KIF26B: variants seen among roughly 807,000 people sequenced by gnomAD.
KIF26B encodes the protein kinesin-like protein KIF26B.
In KIF26B, 63 loss-of-function variants were observed where a neutral mutation model predicts 151.2. The ratio of observed to expected loss-of-function variants is 0.42; its 90% confidence interval spans 0.34 to 0.51. The LOEUF is 0.51. Ranked by LOEUF, KIF26B falls within the 20% of genes least tolerant of loss-of-function variation. The pLI is 0.07. For missense variants in KIF26B, 2,813 were observed against 2,913.6 expected (o/e 0.97, Z 0.79); for synonymous variants, 1,357 against 1,262.1 (o/e 1.08, Z -1.59).
At chr1:245,182,184 A>G (rs769547010) in intron 2 of KIF26B, among the ~76,000 whole-genome samples, 1 of 152,098 alleles carries the variant, frequency 6.6e-6, no homozygotes, top group Non-Finnish European at 1.5e-5. Context: ...ATTTTAGAAC[A>G]TTTCTGTCAC....
chr1:245,408,731 G>A (rs1054394657), intron 3 of KIF26B, among the ~76,000 whole-genome samples: 2 of 152,094 alleles, frequency 1.3e-5, no homozygotes, highest in African/African-American at 2.4e-5. Context: ...TACTTGAGCC[G>A]TACATTCTCT....
In KIF26B at chr1:245,287,930, G is replaced by A. The variant is rs139611922; in HGVS notation, c.466-78904G>A. On this transcript the variant is annotated intron_variant, in intron 2 of 14. Transcript: ENST00000407071. ...ATACTTATTTTTCCCACCATCTTCTGGGTTTTGATAATTATCTTTTAGGTA... is the reference window on the plus strand; with the variant it reads ...ATACTTATTTTTCCCACCATCTTCTAGGTTTTGATAATTATCTTTTAGGTA... 5.9e-3 allele frequency among the ~76,000 whole-genome samples: 893 copies of A among 151,608 alleles called. 8 individuals are homozygous for A. Among genetic ancestry groups the A allele is most frequent in the African/African-American group, 0.02 (839 of 41,308 alleles).
At chr1:245,332,926 A>G (rs6703617) in intron 2 of KIF26B, among the ~76,000 whole-genome samples, 39,083 of 152,050 alleles carry the variant, frequency 0.26, 7,489 homozygotes, top group African/African-American at 0.51. Context: ...TGTATTTTCA[A>G]TGGGTCTCTC....
chr1:245,297,236 G>A (rs965701187), intron 2 of KIF26B, among the ~76,000 whole-genome samples: 3 of 152,158 alleles, frequency 2.0e-5, no homozygotes, highest in Non-Finnish European at 4.4e-5. Flanking sequence ...CCAGCTACTT[G>A]GGAGGCTGAG....
chr1:245,482,756 G>A (rs750669851), intron 4 of KIF26B, among the ~76,000 whole-genome samples: 10 of 151,744 alleles, frequency 6.6e-5, no homozygotes, highest in Non-Finnish European at 1.5e-4. Flanking sequence ...CACGACTAGT[G>A]TTCCTACCAG....
intron 3 of KIF26B, among the ~76,000 whole-genome samples, chr1:245,384,427 G>C (rs1023516760): frequency 2.0e-5 from 3 of 152,154 alleles, no homozygotes; most frequent in Non-Finnish European, 4.4e-5. Flanking sequence ...TAATTAGTTA[G>C]TTAATTAATT....
At position 245,186,268 on chromosome 1, in the gene KIF26B, G is replaced by A. The variant is rs925242043; in HGVS notation, c.465+29585G>A. ...TGCCCCCTTCGATGAGTCATGGGCC[G>A]AGCTGGGTTCTAGTGATGCCGGCTA... On this transcript the variant is annotated intron_variant, in intron 2 of 14. Transcript: ENST00000407071. Among the ~76,000 whole-genome samples the A allele has an allele frequency of 4.6e-5, 7 of 152,276 alleles. No individual in the cohort carries two copies. The East Asian group carries it at 1.2e-3, about 25-fold the overall frequency.
At chr1:245,191,697 G>A (rs918206057) in intron 2 of KIF26B, among the ~76,000 whole-genome samples, 4 of 152,104 alleles carry the variant, frequency 2.6e-5, no homozygotes, top group Admixed American at 1.3e-4. Context: ...AAATTACAAC[G>A]AAGCATGAAT....
At chr1:245,510,191 C>A (rs1209539896) in intron 4 of KIF26B, among the ~76,000 whole-genome samples, 1 of 152,170 alleles carries the variant, frequency 6.6e-6, no homozygotes, top group Non-Finnish European at 1.5e-5. Context: ...GAGATGGGGT[C>A]AGAGGCAAAG....
intron 2 of KIF26B, among the ~76,000 whole-genome samples, chr1:245,337,220 GGAGTAC>G (rs529087085): frequency 1.3e-3 from 197 of 152,058 alleles, no homozygotes; most frequent in African/African-American, 4.5e-3. Flanking sequence ...CACCCAGGCT[GGAGTAC>G]AGTAGTGTGA....
At chr1:245,184,775 T>C (rs1019343835) in intron 2 of KIF26B, among the ~76,000 whole-genome samples, 4 of 152,204 alleles carry the variant, frequency 2.6e-5, no homozygotes, top group African/African-American at 9.6e-5. Context: ...AAACCTTATA[T>C]CTCTGAGAAA....
Position 245,156,376 on chromosome 1 carries a change from G to A in KIF26B, c.158G>A (p.Arg53Gln), listed in dbSNP as rs1335960341. ...TACGAGGAGTCGCGCGCCGGCAGCC[G>A]GCCCACTCCTGAGGGCGCGGGCTCA... ...KAYEESRAGSRPTPEGAGSAL... is the reference protein window; with the variant it reads ...KAYEESRAGSQPTPEGAGSAL... Residue 53 changes from arginine to glutamine, a missense_variant, in exon 2 of 15, where the codon CGG becomes CAG. Physicochemically the swap from Arg to Gln is conservative, Grantham distance 43 (BLOSUM62 1). Coordinates refer to ENST00000407071, the MANE Select transcript of KIF26B (RefSeq NM_018012.4). 1.3e-6 allele frequency: 2 copies of A among 1,543,454 alleles called. No homozygotes were observed. Among genetic ancestry groups the A allele is most frequent in the East Asian group, 2.5e-5 (1 of 40,150 alleles).
At chr1:245,675,158 G>T (rs549638754) in intron 10 of KIF26B, among the ~76,000 whole-genome samples, 8 of 152,304 alleles carry the variant, frequency 5.3e-5, no homozygotes, top group African/African-American at 1.9e-4. Flanking sequence ...TTGTCGTCAG[G>T]ACACATTACA....
At chr1:245,428,053 C>T (rs1434410762) in intron 4 of KIF26B, among the ~76,000 whole-genome samples, 4 of 152,192 alleles carry the variant, frequency 2.6e-5, no homozygotes. Context: ...TGTCTGGGCT[C>T]ATGTTGTCCT....
intron 4 of KIF26B, among the ~76,000 whole-genome samples, chr1:245,438,885 T>C (rs555615): frequency 0.82 from 125,204 of 152,148 alleles, 51,676 homozygotes; most frequent in East Asian, 0.95. Context: ...CAGTGGTTGA[T>C]GGGAAGTGAG....
At chr1:245,374,881 T>C (rs1486386670) in intron 3 of KIF26B, among the ~76,000 whole-genome samples, 1 of 152,184 alleles carries the variant, frequency 6.6e-6, no homozygotes, top group African/African-American at 2.4e-5. Flanking sequence ...GGCCGTGGTC[T>C]GAAGGGAACA....
chr1:245,593,395 C>T (rs1478180154), intron 5 of KIF26B, among the ~76,000 whole-genome samples: 1 of 152,074 alleles, frequency 6.6e-6, no homozygotes, highest in Non-Finnish European at 1.5e-5. Context: ...TTGTTCAACT[C>T]CCACTTATGA....
At chr1:245,556,843 A>T (rs1235213060) in intron 5 of KIF26B, among the ~76,000 whole-genome samples, 1 of 152,172 alleles carries the variant, frequency 6.6e-6, no homozygotes. Context: ...CCAGCCAAGC[A>T]CATTAATCTT....
Position 245,266,555 on chromosome 1 carries a change from C to T in KIF26B, c.466-100279C>T, listed in dbSNP as rs535534041. Among the ~76,000 whole-genome samples, 5 of 151,714 alleles carry T rather than the reference C, an allele frequency of 3.3e-5. No individual in the cohort carries two copies. The East Asian group carries it at 5.8e-4, about 18-fold the overall frequency. On this transcript the variant is annotated intron_variant, in intron 2 of 14. Transcript: ENST00000407071. ...ATGGAGTCTCATTCTGTCACCCACG[C>T]GGAGTGCAGTGGCGCAATCTTGGCT...
Sources: allele counts gnomAD v4.1 joint callset (sites outside exome capture counted in the v4.1 genomes callset), GRCh38; gene constraint gnomAD v4.1.1; transcripts MANE v1.5; gene names NCBI Gene and HGNC (gene_info 2026-07-23, HGNC 2026-07-21).